DGAT2L6: variants seen among roughly 807,000 people sequenced by gnomAD.
DGAT2L6 encodes the protein diacylglycerol O-acyltransferase 2-like protein 6.
In DGAT2L6, 22 loss-of-function variants were observed where a neutral mutation model predicts 25.5. The observed-to-expected ratio is 0.86, with a 90% CI of 0.62 to 1.23. The LOEUF (loss-of-function observed/expected upper bound fraction) is 1.23. Ranked by LOEUF, DGAT2L6 falls within the 50% of genes most tolerant of loss-of-function variation. The pLI, the probability that DGAT2L6 is intolerant of heterozygous loss-of-function variation, is 0.00. For synonymous variants in DGAT2L6, 100 were observed against 94.7 expected (o/e 1.06, Z -0.32); for missense variants, 287 against 253.2 (o/e 1.13, Z -0.91).
chrX:70,186,067 A>G (rs955064606), intron 1 of DGAT2L6, among the ~76,000 whole-genome samples: 1 of 111,781 alleles, frequency 8.9e-6, no homozygotes, highest in African/African-American at 3.3e-5. Context: ...TGCACACCTT[A>G]TAACTTCAGA....
rs764320654 is a variant in DGAT2L6 at position 70,200,563 on chromosome X, A to G, written c.472+104A>G. The G allele has an allele frequency of 6.3e-5, 49 of 782,972 alleles. No homozygotes were observed. The East Asian group carries it at 1.5e-3, about 24-fold the overall frequency. The allele number at this position is 782,972 out of a possible 1,213,427, so 64.5% of individuals were successfully genotyped here. A position where few individuals can be genotyped will look rare whatever the true frequency, so the allele number is the denominator to read the frequency against. On this transcript the variant is annotated intron_variant, in intron 4 of 6. Coordinates refer to ENST00000333026, the MANE Select transcript of DGAT2L6 (RefSeq NM_198512.3). ...CTGCTTGAAGAGTACATGATAGAAAATAAGTCCAGGACACCCTGGGCCCGT... is the reference window on the plus strand; with the variant it reads ...CTGCTTGAAGAGTACATGATAGAAAGTAAGTCCAGGACACCCTGGGCCCGT...
intron 1 of DGAT2L6, among the ~76,000 whole-genome samples, chrX:70,189,587 TCA>T (rs1168333125): frequency 8.9e-6 from 1 of 111,851 alleles, no homozygotes; most frequent in African/African-American, 3.2e-5. Flanking sequence ...CAAGTAAAAA[TCA>T]CAGTCAGGCT....
chrX:70,196,821 T>A (rs1443766145), intron 1 of DGAT2L6, among the ~76,000 whole-genome samples: 1 of 111,391 alleles, frequency 9.0e-6, no homozygotes, highest in Non-Finnish European at 1.9e-5. Flanking sequence ...AACAACCCAA[T>A]TGAAAAATGG....
At chrX:70,188,976 C>CA (rs200306182) in intron 1 of DGAT2L6, among the ~76,000 whole-genome samples, 9,394 of 42,214 alleles carry the variant, frequency 0.22, 772 homozygotes, top group Non-Finnish European at 0.33. Flanking sequence ...AGGGCATCTA[C>CA]AAAAAAAAAA....
At chrX:70,187,606 T>A (rs13343081) in intron 1 of DGAT2L6, among the ~76,000 whole-genome samples, 9,293 of 111,905 alleles carry the variant, frequency 0.083, 667 homozygotes, top group African/African-American at 0.23. Flanking sequence ...TATGCCTCTT[T>A]GATAAACCAG....
At chrX:70,181,985 C>T (rs181220061) in intron 1 of DGAT2L6, among the ~76,000 whole-genome samples, 270 of 111,641 alleles carry the variant, frequency 2.4e-3, no homozygotes, top group African/African-American at 8.2e-3. Context: ...TGTCTGCCTT[C>T]CTCCCTTCCT....
In DGAT2L6 at chrX:70,205,144, A is replaced by G. The variant is rs929639499; in HGVS notation, c.*38A>G. On this transcript the variant is annotated 3_prime_UTR_variant, in exon 7 of 7. Coordinates refer to ENST00000333026, the MANE Select transcript of DGAT2L6 (RefSeq NM_198512.3). ...TCCCCATTGATCAACCCCCAAAGCC[A>G]TGAGGGATCCAAGTAGAGCCACAGA... The G allele has an allele frequency of 8.8e-7, 1 of 1,139,063 alleles. No homozygotes were observed. The highest frequency in any genetic ancestry group is 3.1e-5 in the East Asian group (1 of 31,953). The allele number at this position is 1,139,063 out of a possible 1,213,427, so 93.9% of individuals were successfully genotyped here.
At chrX:70,196,146 TA>T (rs2085390231) in intron 1 of DGAT2L6, among the ~76,000 whole-genome samples, 1 of 110,779 alleles carries the variant, frequency 9.0e-6, no homozygotes, top group South Asian at 3.8e-4. Context: ...ATTGTAGATC[TA>T]AATGTAAAAA....
At chrX:70,186,705 C>T (rs1333331771) in intron 1 of DGAT2L6, among the ~76,000 whole-genome samples, 1 of 111,992 alleles carries the variant, frequency 8.9e-6, no homozygotes. Flanking sequence ...AATTTTATAT[C>T]GCTACCATGA....
At chrX:70,191,783 A>G (rs1283784818) in intron 1 of DGAT2L6, among the ~76,000 whole-genome samples, 2 of 112,124 alleles carry the variant, frequency 1.8e-5, no homozygotes, top group Non-Finnish European at 3.8e-5. Context: ...GCATTAAGAG[A>G]AAAGAGTCTC....
chrX:70,192,783 A>G (rs955729644), intron 1 of DGAT2L6, among the ~76,000 whole-genome samples: 2 of 111,795 alleles, frequency 1.8e-5, no homozygotes, highest in Non-Finnish European at 3.8e-5. Context: ...AACAAAAGTA[A>G]CAAACCCTTA....
At chrX:70,191,981 T>C (rs767531381) in intron 1 of DGAT2L6, among the ~76,000 whole-genome samples, 1 of 111,919 alleles carries the variant, frequency 8.9e-6, no homozygotes, top group Non-Finnish European at 1.9e-5. Context: ...GCATGGTGGC[T>C]CATGTCTGTA....
Position 70,194,189 on chromosome X carries a change from T to G in DGAT2L6, c.86-5082T>G, listed in dbSNP as rs989241612. Among the ~76,000 whole-genome samples, 5 of 111,241 alleles carry G rather than the reference T, an allele frequency of 4.5e-5. No individual in the cohort carries two copies. In the South Asian group the frequency reaches 1.9e-3, roughly 42 times the overall value. ...AAAATACTTAGGAATAAATTTAACC[T>G]AGGAGGTGAGAGATCTGTATACCAA... is the stretch of plus-strand genomic sequence containing the variant. On this transcript the variant is annotated intron_variant, in intron 1 of 6. Transcript: ENST00000333026.
chrX:70,192,648 C>A (rs1417724788), intron 1 of DGAT2L6, among the ~76,000 whole-genome samples: 2 of 111,192 alleles, frequency 1.8e-5, no homozygotes, highest in Non-Finnish European at 3.8e-5. Flanking sequence ...GCAGCAAAAA[C>A]AGTTCTAAGG....
chrX:70,195,737 T>C (rs1269630635), intron 1 of DGAT2L6, among the ~76,000 whole-genome samples: 1 of 111,307 alleles, frequency 9.0e-6, no homozygotes, highest in Non-Finnish European at 1.9e-5. Context: ...TAAATATATA[T>C]ATTTGTAAAT....
At chrX:70,195,283 G>C (rs1272475945) in intron 1 of DGAT2L6, among the ~76,000 whole-genome samples, 2 of 111,798 alleles carry the variant, frequency 1.8e-5, no homozygotes, top group Non-Finnish European at 3.8e-5. Flanking sequence ...TTTGTACACT[G>C]TTGGTAGGTA....
At chrX:70,195,543 C>T (rs1416692701) in intron 1 of DGAT2L6, among the ~76,000 whole-genome samples, 3 of 110,263 alleles carry the variant, frequency 2.7e-5, no homozygotes, top group African/African-American at 9.9e-5. Context: ...CATGGATGAA[C>T]CAGGAGGATA....
At position 70,199,898 on chromosome X, in the gene DGAT2L6, C is replaced by T. The variant is rs200516088; in HGVS notation, c.267+16C>T. On this transcript the variant is annotated intron_variant, in intron 3 of 6. Transcript: ENST00000333026. ...CCCAGTAAAGGTGACCACTCTTCCT[C>T]GGGGTGCCCTCAGTCCCTGTTGCCC... 3.1e-5 allele frequency: 37 copies of T among 1,199,483 alleles called. No individual in the cohort carries two copies. The highest frequency in any genetic ancestry group is 1.3e-4 in the Admixed American group (6 of 45,561).
At chrX:70,183,341 C>T (rs2085349716) in intron 1 of DGAT2L6, among the ~76,000 whole-genome samples, 1 of 112,492 alleles carries the variant, frequency 8.9e-6, no homozygotes. Context: ...TCCCACTACT[C>T]CTGCCAGTGG....
Sources: gnomAD v4.1 joint callset for allele counts (sites outside exome capture counted in the v4.1 genomes callset) on GRCh38, gnomAD v4.1.1 for gene constraint, MANE v1.5 for transcripts, NCBI Gene and HGNC (gene_info 2026-07-23, HGNC 2026-07-21) for gene names.